CROCC: variants seen among roughly 807,000 people sequenced by gnomAD.
CROCC encodes the protein rootletin.
A neutral mutation model predicts 245.2 loss-of-function variants in CROCC; 180 were observed. That is an observed-to-expected ratio of 0.73 (90% CI 0.65 to 0.83). CROCC has a LOEUF of 0.83. Among genes scored for constraint, CROCC ranks in the 40% least tolerant of loss-of-function variants. CROCC has a pLI of 0.00. For synonymous variants in CROCC, 1,205 were observed against 1,241.6 expected (o/e 0.97, Z 0.62); for missense variants, 2,688 against 2,779.4 (o/e 0.97, Z 0.74).
Position 16,956,950 on chromosome 1 carries a change from C to T in CROCC, c.3864+794C>T, listed in dbSNP as rs114666925. ...GCAAAGAACAGGAAATGGCCTCATTCAGCCCCTAGGCGCTGCCTCACCCAG... is the reference window on the plus strand; with the variant it reads ...GCAAAGAACAGGAAATGGCCTCATTTAGCCCCTAGGCGCTGCCTCACCCAG... On this transcript the variant is annotated intron_variant, in intron 25 of 36. Transcript: ENST00000375541. Among the ~76,000 whole-genome samples, 51 of 152,294 alleles carry T rather than the reference C, an allele frequency of 3.3e-4. 1 individual carries two copies. In the South Asian group the frequency reaches 0.01, roughly 31 times the overall value.
intron 1 of CROCC, among the ~76,000 whole-genome samples, chr1:16,916,126 A>C (rs1192271595): frequency 6.6e-6 from 1 of 152,062 alleles, no homozygotes; most frequent in Non-Finnish European, 1.5e-5. Context: ...CAGTGAGCTG[A>C]GATTGTGCAC....
chr1:16,925,336 C>T (rs1397398165), intron 3 of CROCC, among the ~76,000 whole-genome samples: 1 of 152,268 alleles, frequency 6.6e-6, no homozygotes, highest in African/African-American at 2.4e-5. Flanking sequence ...AGGTCGGGAC[C>T]ATTATGATGC....
At chr1:16,931,117 T>C (rs1032104183) in intron 7 of CROCC, among the ~76,000 whole-genome samples, 174 bp from the exon 8 acceptor site, 6 of 152,266 alleles carry the variant, frequency 3.9e-5, no homozygotes, top group Admixed American at 2.6e-4. Context: ...GAGGGAGCCA[T>C]GAGGCTTGGG....
intron 1 of CROCC, among the ~76,000 whole-genome samples, chr1:16,914,274 G>A (rs1451115266): frequency 6.6e-6 from 1 of 152,158 alleles, no homozygotes; most frequent in African/African-American, 2.4e-5. Flanking sequence ...GCCGCGGCCC[G>A]GCACCGGAGG....
chr1:16,946,843 G>A lies in CROCC; in HGVS notation c.2366G>A (p.Arg789Gln), dbSNP rs774815102. 56 of 1,554,434 alleles carry A rather than the reference G, an allele frequency of 3.6e-5. No individual in the cohort carries two copies. The highest frequency in any genetic ancestry group is 9.7e-5 in the East Asian group (4 of 41,270). ...ACAGTGGCGCGGGAAGAGCAGGAAC[G>A]GCTAGAGGAGCTGCGGTTGGAGCAG... The part of the protein sequence containing the change: ...EATVAREEQE[R>Q]LEELRLEQEV... Residue 789 changes from arginine (R) to glutamine (Q), a missense_variant, in exon 17 of 37, where the codon CGG becomes CAG. By Grantham distance (43) the Arg-to-Gln change is conservative. Coordinates refer to ENST00000375541, the MANE Select transcript of CROCC (RefSeq NM_014675.5).
chr1:16,949,740 A>G (rs556718550), intron 19 of CROCC, among the ~76,000 whole-genome samples: 31 of 152,324 alleles, frequency 2.0e-4, no homozygotes, highest in Admixed American at 3.3e-4. Context: ...CTTGACCCAT[A>G]GTAAGTGCTC....
intron 27 of CROCC, among the ~76,000 whole-genome samples, chr1:16,963,675 G>A (rs898162484): frequency 1.4e-5 from 2 of 144,718 alleles, no homozygotes; most frequent in South Asian, 2.4e-4. Context: ...GGTTCCACCC[G>A]CCCTGCCCCC....
rs777439372 is a variant in CROCC, at chr1:16,969,848, G to A, written c.5365G>A (p.Glu1789Lys). The A allele has an allele frequency of 9.9e-6, 16 of 1,612,996 alleles. No individual in the cohort carries two copies. Among genetic ancestry groups the A allele is most frequent in the African/African-American group, 6.7e-5 (5 of 74,902 alleles). Residue 1789 changes from glutamate to lysine, a missense_variant, in exon 33 of 37, where the codon GAG (glutamate) becomes AAG (lysine). By Grantham distance (56) the Glu-to-Lys change is moderately conservative (BLOSUM62 1). This residue lies in a region of CROCC where 1,218 missense variants were observed against 1,286.3 expected (regional missense o/e 0.95). Transcript: ENST00000375541. ...EARKQSSSLG[E>K]QVQTLRGEVA... is the part of the protein sequence containing the mutation. ...ACGGAAGCAGAGCAGCTCCCTGGGCGAGCAGGTGCAGACGTTGCGAGGCGA... is the reference window on the plus strand; with the variant it reads ...ACGGAAGCAGAGCAGCTCCCTGGGCAAGCAGGTGCAGACGTTGCGAGGCGA...
At position 16,954,982 on chromosome 1, in the gene CROCC, A is replaced by G; in HGVS notation, c.3465+105A>G. On this transcript the variant is annotated intron_variant, in intron 23 of 36. Transcript: ENST00000375541. This position sits in a 1 kb window ranked among gnomAD's most constrained non-coding sequence, Gnocchi z 4.4. ...AGAAGAGTGTAAGATTCCTCCCTGC[A>G]TTTGAGGACCAATGAATAGCAACTT... 1 of 1,337,828 alleles carries G rather than the reference A, an allele frequency of 7.5e-7. No homozygotes were observed. The highest frequency in any genetic ancestry group is 9.9e-7 in the Non-Finnish European group (1 of 1,006,334). 82.9% of individuals were successfully genotyped at this position (1,337,828 alleles called of 1,614,324 possible).
At chr1:16,953,213 G>A in intron 20 of CROCC, 89 bp from the exon 21 acceptor site, 1 of 1,196,676 alleles carries the variant, frequency 8.4e-7, no homozygotes, top group South Asian at 1.4e-5. Flanking sequence ...GGGTATGGGG[G>A]CCAGATGGCT....
chr1:16,931,399 T>G lies in CROCC; in HGVS notation c.956+2T>G. The stretch of plus-strand genomic sequence containing the variant: ...CGAGGTGAAGATGTTCACTGAGAGG[T>G]GAGGCCTGGCCGGGGACGGGGCAGC... On this transcript the variant is annotated splice_donor_variant, in intron 8 of 36. Transcript: ENST00000375541. LOFTEE classifies it high-confidence loss of function. 1 of 1,609,630 alleles carries G rather than the reference T, an allele frequency of 6.2e-7. No homozygotes were observed. Among genetic ancestry groups the G allele is most frequent in the East Asian group, 2.2e-5 (1 of 44,810 alleles).
At position 16,966,221 on chromosome 1, in the gene CROCC, C is replaced by A; in HGVS notation, c.4696+102C>A. 6.7e-7 allele frequency: 1 copy of A among 1,501,546 alleles called. No homozygotes were observed. Among genetic ancestry groups the A allele is most frequent in the East Asian group, 2.3e-5 (1 of 42,722 alleles). The allele number at this position is 1,501,546 out of a possible 1,614,324, so 93.0% of individuals were successfully genotyped here. A position where few individuals can be genotyped will look rare whatever the true frequency, so the allele number is the denominator to read the frequency against. On this transcript the variant is annotated intron_variant, in intron 29 of 36. Coordinates refer to ENST00000375541, the MANE Select transcript of CROCC (RefSeq NM_014675.5). The surrounding 1 kb of genome is among the most constrained non-coding windows in gnomAD (Gnocchi z 4.8). ...CTGACCTTGCCGTGGCCCCCATGAC[C>A]TGACTCGGGGCTGTCTCCAAGAGGA...
chr1:16,927,743 A>C (rs1334677723), intron 3 of CROCC, among the ~76,000 whole-genome samples: 1 of 152,286 alleles, frequency 6.6e-6, no homozygotes, highest in Admixed American at 6.5e-5. Context: ...CACCACACAC[A>C]GATGTGGACA....
rs541951372 is a variant in CROCC, at chr1:16,972,406, C to T, written c.6014C>T (p.Ser2005Leu). 6.8e-6 allele frequency: 11 copies of T among 1,613,782 alleles called. No homozygotes were observed. In the East Asian group the frequency reaches 2.2e-4, roughly 33 times the overall value. ...GQLQQELRRS[S>L]APFSPPSGPP... Reference sequence around the variant, plus strand: ...CTGCAGCAGGAGCTTCGAAGGAGCTCAGCACCCTTCTCCCCACCCTCCGGC... The same window carrying T: ...CTGCAGCAGGAGCTTCGAAGGAGCTTAGCACCCTTCTCCCCACCCTCCGGC... The change falls in exon 37 of 37, where the codon TCA becomes TTA. Residue 2005 changes from serine to leucine, a missense_variant. By Grantham distance (145) the Ser-to-Leu change is moderately radical. Transcript: ENST00000375541.
At position 16,970,776 on chromosome 1, in the gene CROCC, C is replaced by G; in HGVS notation, c.5784+9C>G. 1.3e-6 allele frequency: 2 copies of G among 1,564,630 alleles called. No homozygotes were observed. The highest frequency in any genetic ancestry group is 1.7e-6 in the Non-Finnish European group (2 of 1,159,354). On this transcript the variant is annotated intron_variant, in intron 35 of 36. Coordinates refer to ENST00000375541, the MANE Select transcript of CROCC (RefSeq NM_014675.5). ...AGATCCAGCAGCTGGAGGTCTGACCCCACCCAGTCCGGGACCCCAACTTCA... is the reference window on the plus strand; with the variant it reads ...AGATCCAGCAGCTGGAGGTCTGACCGCACCCAGTCCGGGACCCCAACTTCA...
intron 11 of CROCC, 58 bp downstream of exon 11, chr1:16,938,541 G>C: frequency 1.4e-6 from 2 of 1,471,334 alleles, no homozygotes; most frequent in East Asian, 2.5e-5. Flanking sequence ...AGGCTCCCCC[G>C]CCACGTCTTT....
rs768981777 is a variant in CROCC at position 16,969,816 on chromosome 1, C to T, written c.5333C>T (p.Ser1778Phe). ...ERLDAARQAL[S>F]EARKQSSSLG... ...CTGGATGCCGCCCGGCAGGCATTAT[C>T]TGAGGCACGGAAGCAGAGCAGCTCC... The change falls in exon 33 of 37, where the codon TCT becomes TTT. Residue 1778 changes from serine (S) to phenylalanine (F), a missense_variant. Physicochemically the swap from Ser to Phe is radical, Grantham distance 155. Coordinates refer to ENST00000375541, the MANE Select transcript of CROCC (RefSeq NM_014675.5). The T allele has an allele frequency of 1.9e-6, 3 of 1,613,298 alleles. No individual in the cohort carries two copies. The highest frequency in any genetic ancestry group is 2.2e-5 in the South Asian group (2 of 91,010).
rs970761659 is a variant in CROCC, at chr1:16,964,251, C to T, written c.4406-1472C>T. Among the ~76,000 whole-genome samples, 4 of 151,290 alleles carry T rather than the reference C, an allele frequency of 2.6e-5. 1 individual carries two copies. The South Asian group carries it at 8.4e-4, about 32-fold the overall frequency. ...GGTTCAAGTGCTTTTCCTGCCTCAG[C>T]CTCCAGACCTCAGCCTCCCAGGTAG... On this transcript the variant is annotated intron_variant, in intron 27 of 36. Transcript: ENST00000375541.
Position 16,951,106 on chromosome 1 carries a change from G to A in CROCC, c.2990G>A (p.Arg997Gln), listed in dbSNP as rs754016491. 14 of 1,555,590 alleles carry A rather than the reference G, an allele frequency of 9.0e-6. No individual in the cohort carries two copies. The highest frequency in any genetic ancestry group is 1.4e-5 in the African/African-American group (1 of 73,080). The change falls in exon 20 of 37, where the codon CGA (arginine) becomes CAA (glutamine). Residue 997 changes from arginine to glutamine, a missense_variant. Arg to Gln is a conservative substitution (Grantham distance 43, BLOSUM62 1). This residue lies in a region of CROCC where 106 missense variants were observed against 126.1 expected (regional missense o/e 0.84). Coordinates refer to ENST00000375541, the MANE Select transcript of CROCC (RefSeq NM_014675.5). ...QRAAHEEDLQ[R>Q]LQREKEAAWR... ...GCAGCTCACGAGGAGGACTTACAGCGACTCCAGCGTGAAAAGGTTCAGGCA... is the reference window on the plus strand; with the variant it reads ...GCAGCTCACGAGGAGGACTTACAGCAACTCCAGCGTGAAAAGGTTCAGGCA...
Sources: gnomAD v4.1 joint callset for allele counts (sites outside exome capture counted in the v4.1 genomes callset) on GRCh38, gnomAD v4.1.1 for gene constraint, gnomAD v4.1.1 regional missense constraint, Gnocchi (gnomAD v3.1) non-coding constraint, MANE v1.5 for transcripts, NCBI Gene and HGNC (gene_info 2026-07-23, HGNC 2026-07-21) for gene names.